The following CASP8 variants were observed in gnomAD, a reference collection of about 807,000 sequenced individuals.
The protein encoded by CASP8 is caspase-8.
A neutral mutation model predicts 46.3 loss-of-function variants in CASP8; 24 were observed. The ratio of observed to expected loss-of-function variants is 0.52; its 90% CI spans 0.38 to 0.73. The LOEUF (loss-of-function observed/expected upper bound fraction) is 0.73, where lower values mean the gene tolerates loss of function less well. Ranked by LOEUF, CASP8 falls within the 30% of genes least tolerant of loss-of-function variation. The pLI, the probability that CASP8 is intolerant of heterozygous loss-of-function variation, is 0.00. For missense variants in CASP8, 460 were observed against 559.0 expected, an observed-to-expected ratio of 0.82 and a Z score of 1.79; for synonymous variants, 188 against 200.4, an observed-to-expected ratio of 0.94 and a Z score of 0.52.
At chr2:201,282,830 A>G (rs1181736329) in intron 7 of CASP8, among the ~76,000 whole-genome samples, 1 of 67,812 alleles carries the variant, frequency 1.5e-5, no homozygotes, top group Non-Finnish European at 3.4e-5. Flanking sequence ...TGACCCCCCC[A>G]CCTCCCTCCC....
upstream of CASP8, among the ~76,000 whole-genome samples, chr2:201,259,950 T>C (rs902559687): frequency 1.3e-5 from 2 of 151,114 alleles, no homozygotes; most frequent in African/African-American, 4.8e-5. Flanking sequence ...TTAGAGGTTT[T>C]TCATTTTAGA....
chr2:201,259,320 G>A (rs1387193684), upstream of CASP8, among the ~76,000 whole-genome samples: 2 of 152,072 alleles, frequency 1.3e-5, no homozygotes, highest in Non-Finnish European at 2.9e-5. Flanking sequence ...CCACAGGCGC[G>A]TGCTACCACA....
intron 7 of CASP8, among the ~76,000 whole-genome samples, chr2:201,283,193 T>C (rs796445390): frequency 9.6e-3 from 486 of 50,508 alleles, no homozygotes; most frequent in Middle Eastern, 0.016. Flanking sequence ...CCTCACCTCC[T>C]GGACGGGGCG....
intron 2 of CASP8, among the ~76,000 whole-genome samples, chr2:201,253,644 A>ACCACAAT (rs1946886170): frequency 1.3e-5 from 2 of 152,258 alleles, no homozygotes; most frequent in South Asian, 4.1e-4. Context: ...ATTTTATGGT[A>ACCACAAT]TATATATTTT....
chr2:201,273,060 T>TC, intron 5 of CASP8, 118 bp downstream of exon 5: 1 of 470,950 alleles, frequency 2.1e-6, no homozygotes, highest in South Asian at 2.9e-5. Context: ...TACTTTTTCT[T>TC]TTTTTTTTTT....
chr2:201,275,035 C>G (rs1242150108), intron 6 of CASP8, 82 bp downstream of exon 6: 3 of 974,998 alleles, frequency 3.1e-6, no homozygotes, highest in Admixed American at 2.2e-5. Context: ...TTTTTTGCTG[C>G]CAGATAAACT....
intron 2 of CASP8, among the ~76,000 whole-genome samples, chr2:201,236,431 A>G (rs1254992638): frequency 2.0e-5 from 3 of 152,158 alleles, no homozygotes; most frequent in Admixed American, 6.5e-5. Flanking sequence ...TCCTGACGCC[A>G]TGAAGTCAAA....
intron 8 of CASP8, among the ~76,000 whole-genome samples, chr2:201,286,129 T>C (rs779365547): frequency 3.4e-4 from 52 of 152,140 alleles, no homozygotes; most frequent in Non-Finnish European, 6.3e-4. Context: ...CAGAGAGTAT[T>C]GGGGGGCATT....
Position 201,272,543 on chromosome 2 carries a change from C to T in CASP8, c.412-95C>T. On this transcript the variant is annotated intron_variant, in intron 3 of 8. Transcript: ENST00000673742. This position sits in a 1 kb window ranked among gnomAD's most constrained non-coding sequence, Gnocchi z 4.4. ...GAAACTTGGGAAGCAAGGGCAGGTC[C>T]TTGGTTGGAGAAATTGGAAATTAAA... The T allele has an allele frequency of 7.0e-7, 1 of 1,427,198 alleles. No homozygotes were observed. The highest frequency in any genetic ancestry group is 9.8e-7 in the Non-Finnish European group (1 of 1,022,910). 88.4% of individuals were successfully genotyped at this position (1,427,198 alleles called of 1,614,324 possible). A position where few individuals can be genotyped will look rare whatever the true frequency, so the allele number is the denominator to read the frequency against.
intron 1 of CASP8, among the ~76,000 whole-genome samples, chr2:201,261,661 C>T (rs1330100759): frequency 1.3e-5 from 2 of 152,168 alleles, no homozygotes; most frequent in Non-Finnish European, 2.9e-5. Flanking sequence ...GGTTCCGGGG[C>T]AGCCCGCAGT....
chr2:201,276,795 G>T, intron 6 of CASP8, 32 bp from the exon 7 acceptor site: 3 of 1,613,760 alleles, frequency 1.9e-6, no homozygotes, highest in Non-Finnish European at 2.5e-6. Context: ...GACCCACAGA[G>T]TCAGCTCCTG....
Position 201,286,444 on chromosome 2 carries a change from T to C in CASP8, c.1305-15T>C. On this transcript the variant is annotated splice_polypyrimidine_tract_variant and intron_variant, in intron 8 of 8. Transcript: ENST00000673742. Reference sequence around the variant, plus strand: ...TCCCCCACAGACAGTCACAATATTATGTGATGTATTTCAGAGGCGATGATA... The same window carrying C: ...TCCCCCACAGACAGTCACAATATTACGTGATGTATTTCAGAGGCGATGATA... 4 of 1,611,210 alleles carry C rather than the reference T, an allele frequency of 2.5e-6. No homozygotes were observed. Among genetic ancestry groups the C allele is most frequent in the Non-Finnish European group, 3.4e-6 (4 of 1,177,752 alleles).
Position 201,286,566 on chromosome 2 carries a change from GA to G in CASP8, c.1419del (p.Lys473AsnfsTer73). 1 of 1,614,034 alleles carries G rather than the reference GA, an allele frequency of 6.2e-7. No individual in the cohort carries two copies. The highest frequency in any genetic ancestry group is 8.5e-7 in the Non-Finnish European group (1 of 1,179,944). ...KQMPQPTFTL[R>X]KKLVFPSD Reference sequence around the variant, plus strand: ...ATGCCTCAGCCTACTTTCACACTAAGAAAAAAACTTGTCTTCCCTTCTGATT... The same window carrying G: ...ATGCCTCAGCCTACTTTCACACTAAGAAAAAACTTGTCTTCCCTTCTGATT... On this transcript the variant is annotated frameshift_variant, in exon 9 of 9. Transcript: ENST00000673742. LOFTEE classifies it high-confidence loss of function.
chr2:201,285,157 G>A lies in CASP8; in HGVS notation c.1144G>A (p.Glu382Lys), dbSNP rs2125487011. Reference protein sequence around the residue: ...ETDSEEQPYLEMDLSSPQTRY... With the variant: ...ETDSEEQPYLKMDLSSPQTRY... ...TGATTCAGAGGAGCAACCCTATTTA[G>A]AAATGGATTTATCATCACCTCAAAC... The change falls in exon 8 of 9, where the codon GAA becomes AAA. Residue 382 changes from glutamate to lysine, a missense_variant. Physicochemically the swap from Glu to Lys is moderately conservative, Grantham distance 56. Transcript: ENST00000673742. 6.2e-7 allele frequency: 1 copy of A among 1,614,190 alleles called. No individual in the cohort carries two copies. The highest frequency in any genetic ancestry group is 1.1e-5 in the South Asian group (1 of 91,084).
chr2:201,258,450 C>G (rs2125049715), upstream of CASP8: 1 of 1,591,658 alleles, frequency 6.3e-7, no homozygotes, highest in Non-Finnish European at 8.6e-7. Flanking sequence ...TTGACTTGCT[C>G]TAGAAACAGG....
rs1489834350 is a variant in CASP8, at chr2:201,286,854, C to T, written c.*260C>T. On this transcript the variant is annotated 3_prime_UTR_variant, in exon 9 of 9. Transcript: ENST00000673742. ...CAGGGTGGTCTTGATCTCCTGACCT[C>T]GTGATCCACCCACCTCGGCCTCCCA... 3 of 397,398 alleles carry T rather than the reference C, an allele frequency of 7.5e-6. No individual in the cohort carries two copies. Among genetic ancestry groups the T allele is most frequent in the Non-Finnish European group, 1.4e-5 (3 of 208,866 alleles). The allele number at this position is 397,398 out of a possible 1,614,324, so 24.6% of individuals were successfully genotyped here.
At chr2:201,281,978 T>C in intron 7 of CASP8, 1 of 165,008 alleles carries the variant, frequency 6.1e-6, no homozygotes, top group East Asian at 5.3e-4. Flanking sequence ...TGGGTGTTTC[T>C]CGCAGAGGGG....
rs60096366 is a variant in CASP8, at chr2:201,245,864, C to CTTTT, written c.-27+11769_-27+11772dup. Among the ~76,000 whole-genome samples, 847 of 124,384 alleles carry CTTTT rather than the reference C, an allele frequency of 6.8e-3. 31 individuals carry two copies. Among genetic ancestry groups the CTTTT allele is most frequent in the African/African-American group, 0.025 (775 of 30,458 alleles). The allele number at this position is 124,384 out of a possible 152,430, so 81.6% of individuals were successfully genotyped here. ...TTTCTGTTGCTTTTCCTTGTTTGTT[C>CTTTT]TTTTTTTTTTTTTTTTTTTTGAGAC... On this transcript the variant is annotated intron_variant, in intron 2 of 6. Transcript: ENST00000264274.
chr2:201,259,369 T>A (rs1185394981), upstream of CASP8, among the ~76,000 whole-genome samples: 1 of 152,086 alleles, frequency 6.6e-6, no homozygotes, highest in Non-Finnish European at 1.5e-5. Flanking sequence ...AGAGATGGTG[T>A]CTCATTTTGT....
Sources: allele counts gnomAD v4.1 joint callset (sites outside exome capture counted in the v4.1 genomes callset), GRCh38; gene constraint gnomAD v4.1.1; non-coding constraint Gnocchi (gnomAD v3.1); transcripts MANE v1.5; gene names NCBI Gene and HGNC (gene_info 2026-07-23, HGNC 2026-07-21).